Variants in CNKSR1 observed in about 807,000 individuals in gnomAD.
CNKSR1 encodes CNK homolog protein 1.
CNKSR1 carries 88 observed loss-of-function variants against 95.6 expected under a neutral mutation model. The observed-to-expected ratio is 0.92, with a 90% CI of 0.78 to 1.10. The LOEUF (loss-of-function observed/expected upper bound fraction) is 1.10. Ranked by LOEUF, CNKSR1 falls within the 50% of genes least tolerant of loss-of-function variation. CNKSR1 has a pLI of 0.00. For missense variants in CNKSR1, 836 were observed against 912.0 expected, an observed-to-expected ratio of 0.92 and a Z score of 1.07; for synonymous variants, 355 against 369.7, an observed-to-expected ratio of 0.96 and a Z score of 0.46.
intron 1 of CNKSR1, 98 bp from the exon 2 acceptor site, chr1:26,180,355 G>A (rs374916800): frequency 6.9e-7 from 1 of 1,457,634 alleles, no homozygotes; most frequent in Non-Finnish European, 9.6e-7. Context: ...TGTCATTAGG[G>A]TTAGACTAGA....
In CNKSR1 at chr1:26,189,747, C is replaced by A. The variant is rs1370332079; in HGVS notation, c.*199C>A. 1.0e-5 allele frequency: 7 copies of A among 700,000 alleles called. No homozygotes were observed. The highest frequency in any genetic ancestry group is 3.0e-5 in the South Asian group (2 of 67,028). 43.4% of individuals were successfully genotyped at this position (700,000 alleles called of 1,614,324 possible). ...CTTGCCAAAGAAGAAACTCTCCCCC[C>A]AAATCCTCCAACCTCTGGGGCCACA... On this transcript the variant is annotated 3_prime_UTR_variant, in exon 21 of 21. Transcript: ENST00000361530.
In CNKSR1 at chr1:26,189,249, A is replaced by T. The variant is rs528758249; in HGVS notation, c.1873-30A>T. On this transcript the variant is annotated intron_variant, in intron 20 of 20. Transcript: ENST00000361530. ...GCTCTGCCCACTTCCCTGGGTGATC[A>T]TGGTCCCTTAGCCCCTCCTCTCCAC... 10 of 1,613,314 alleles carry T rather than the reference A, an allele frequency of 6.2e-6. No homozygotes were observed. In the South Asian group the frequency reaches 1.1e-4, roughly 18 times the overall value.
intron 8 of CNKSR1, 154 bp downstream of exon 8, chr1:26,183,568 A>G (rs1330032590): frequency 9.8e-7 from 1 of 1,020,712 alleles, no homozygotes; most frequent in Non-Finnish European, 1.5e-6. Flanking sequence ...CATCCTCTGC[A>G]GAGCCCAGGT....
intron 14 of CNKSR1, 118 bp downstream of exon 14, chr1:26,185,304 A>AC: frequency 4.6e-6 from 5 of 1,079,714 alleles, no homozygotes; most frequent in Non-Finnish European, 5.5e-6. Flanking sequence ...CCCCATCTGT[A>AC]AAATGGGGAC....
At position 26,177,503 on chromosome 1, in the gene CNKSR1, C is replaced by T. The variant is rs1312061110; in HGVS notation, c.-45C>T. On this transcript the variant is annotated 5_prime_UTR_variant, in exon 1 of 21. Coordinates refer to ENST00000361530, the MANE Select transcript of CNKSR1 (RefSeq NM_006314.3). ...GCTCTGGGAGCGGAAATTCCGGCGA[C>T]AGCAGGGCAAAACAGGAGCTGATTC... is the stretch of plus-strand genomic sequence containing the variant. 5 of 1,612,344 alleles carry T rather than the reference C, an allele frequency of 3.1e-6. No homozygotes were observed. Among genetic ancestry groups the T allele is most frequent in the Non-Finnish European group, 4.2e-6 (5 of 1,179,250 alleles).
chr1:26,189,067 G>C (rs1331686001), intron 20 of CNKSR1, 114 bp downstream of exon 20: 1 of 1,337,100 alleles, frequency 7.5e-7, no homozygotes. Flanking sequence ...ACTCAGCTCC[G>C]GACCCTGGGC....
intron 1 of CNKSR1, among the ~76,000 whole-genome samples, chr1:26,178,833 C>T (rs17163625): frequency 0.011 from 1,735 of 152,262 alleles, 40 homozygotes; most frequent in African/African-American, 0.04. Context: ...ATACAGTCAC[C>T]GTGCAGGAAG....
intron 1 of CNKSR1, chr1:26,180,241 G>A: frequency 1.6e-6 from 1 of 615,738 alleles, no homozygotes; most frequent in South Asian, 1.9e-5. Flanking sequence ...GTCTGCTGCT[G>A]CTGGTCTGGG....
intron 14 of CNKSR1, among the ~76,000 whole-genome samples, chr1:26,185,916 A>T (rs551912511): frequency 6.6e-6 from 1 of 152,256 alleles, no homozygotes; most frequent in South Asian, 2.1e-4. Context: ...TTACTCATTT[A>T]TTCATTCAGG....
At chr1:26,184,711 C>T (rs1196301699) in intron 13 of CNKSR1, 99 bp downstream of exon 13, 9 of 1,379,062 alleles carry the variant, frequency 6.5e-6, no homozygotes, top group Middle Eastern at 2.4e-4. Flanking sequence ...TCCCACACAG[C>T]CTCTCCTGGA....
chr1:26,184,946 C>A, intron 13 of CNKSR1, 68 bp from the exon 14 acceptor site: 2 of 1,463,494 alleles, frequency 1.4e-6, no homozygotes, highest in Non-Finnish European at 1.8e-6. Context: ...TTGTGGAAGG[C>A]AGGGAGTAGG....
chr1:26,180,690 G>A (rs560932333), intron 2 of CNKSR1, 25 bp from the exon 3 acceptor site: 2 of 1,614,040 alleles, frequency 1.2e-6, no homozygotes, highest in South Asian at 2.2e-5. Flanking sequence ...TGCCAGGGAG[G>A]TGACTTGCCC....
rs766297413 is a variant in CNKSR1, at chr1:26,180,466, C to G, written c.66C>G (p.Ser22=). Residue 22 remains serine, a synonymous_variant, in exon 2 of 21, where the codon TCC becomes TCG. Transcript: ENST00000361530. ...CTCTCCCTCCAGGTCTTGACGACTC[C>G]CTGCAGGACTATCCCTTTGAGGACT... ...VATWLRGLDD[S]LQDYPFEDWQ... 2.5e-6 allele frequency: 4 copies of G among 1,614,052 alleles called. No individual in the cohort carries two copies. In the East Asian group the frequency reaches 8.9e-5, roughly 36 times the overall value.
Position 26,185,094 on chromosome 1 carries a change from C to G in CNKSR1, c.1216C>G (p.Arg406Gly). ...RPDCDGWLLL[R>G]KAPGGFMGPR... ...GGACTGTGACGGCTGGCTCCTGTTG[C>G]GAAAGGCACCGGGCGGCTTCATGGG... Residue 406 changes from arginine (R) to glycine (G), a missense_variant, in exon 14 of 21, where the codon CGA becomes GGA. Physicochemically the swap from Arg to Gly is moderately radical, Grantham distance 125. Coordinates refer to ENST00000361530, the MANE Select transcript of CNKSR1 (RefSeq NM_006314.3). The G allele has an allele frequency of 6.2e-7, 1 of 1,605,064 alleles. No homozygotes were observed. Among genetic ancestry groups the G allele is most frequent in the Non-Finnish European group, 8.5e-7 (1 of 1,177,590 alleles).
At position 26,185,147 on chromosome 1, in the gene CNKSR1, G is replaced by T; in HGVS notation, c.1269G>T (p.Val423=). ...CGCGCTGGCGCCGCCGCTGGTTTGT[G>T]CTCAAGGGACACACGCTCTACTGGT... ...MGPRWRRRWF[V]LKGHTLYWYR... The change falls in exon 14 of 21, where the codon GTG becomes GTT. Residue 423 remains valine, a synonymous_variant. Coordinates refer to ENST00000361530, the MANE Select transcript of CNKSR1 (RefSeq NM_006314.3). 2 of 1,571,546 alleles carry T rather than the reference G, an allele frequency of 1.3e-6. No homozygotes were observed. The highest frequency in any genetic ancestry group is 1.7e-6 in the Non-Finnish European group (2 of 1,158,708).
At chr1:26,183,584 G>T in intron 8 of CNKSR1, 145 bp from the exon 9 acceptor site, 1 of 1,011,424 alleles carries the variant, frequency 9.9e-7, no homozygotes, top group Non-Finnish European at 1.6e-6. Flanking sequence ...CAGGTGATGG[G>T]GCCCATGGAA....
chr1:26,179,845 C>A (rs2088616641), intron 1 of CNKSR1, among the ~76,000 whole-genome samples: 1 of 152,164 alleles, frequency 6.6e-6, no homozygotes, highest in Non-Finnish European at 1.5e-5. Flanking sequence ...CATTAAAATA[C>A]AAACTGCTGG....
chr1:26,181,858 T>C lies in CNKSR1; in HGVS notation c.394T>C (p.Tyr132His), dbSNP rs1283569389. Reference sequence around the variant, plus strand: ...ACTGTGCTATTCTTCCCCTGCCAGGTACCTCTTCTCCCACTTAAATGATTT... The same window carrying C: ...ACTGTGCTATTCTTCCCCTGCCAGGCACCTCTTCTCCCACTTAAATGATTT... Reference protein sequence around the residue: ...ADALLFWLSRYLFSHLNDFSA... With the variant: ...ADALLFWLSRHLFSHLNDFSA... The change falls in exon 4 of 21, where the codon TAC becomes CAC. Residue 132 changes from tyrosine (Y) to histidine (H), a missense_variant and splice_region_variant. Tyr to His is a moderately conservative substitution (Grantham distance 83). Transcript: ENST00000361530. 4 of 1,614,052 alleles carry C rather than the reference T, an allele frequency of 2.5e-6. No homozygotes were observed. The Admixed American group carries it at 6.7e-5, about 27-fold the overall frequency.
At chr1:26,179,663 TG>T (rs1321534115) in intron 1 of CNKSR1, among the ~76,000 whole-genome samples, 3 of 152,166 alleles carry the variant, frequency 2.0e-5, no homozygotes, top group Non-Finnish European at 2.9e-5. Flanking sequence ...AATACACACA[TG>T]ATTAGAAGGT....
Sources: gnomAD v4.1 joint callset for allele counts (sites outside exome capture counted in the v4.1 genomes callset) on GRCh38, gnomAD v4.1.1 for gene constraint, MANE v1.5 for transcripts, NCBI Gene and HGNC (gene_info 2026-07-23, HGNC 2026-07-21) for gene names.